The following ASIC2 variants were observed in gnomAD, a reference collection of about 807,000 sequenced individuals.
ASIC2 encodes the protein acid-sensing ion channel 2.
A neutral mutation model predicts 57.3 loss-of-function variants in ASIC2; 25 were observed. That is an observed-to-expected ratio of 0.44 (90% CI 0.32 to 0.61). The LOEUF is 0.61. Ranked by LOEUF, ASIC2 falls within the 20% of genes least tolerant of loss-of-function variation. The pLI is 0.06. For synonymous variants in ASIC2, 319 were observed against 307.5 expected, an observed-to-expected ratio of 1.04 and a Z score of -0.39; for missense variants, 641 against 738.1, an observed-to-expected ratio of 0.87 and a Z score of 1.52.
chr17:33,132,027 T>C (rs923966781), intron 1 of ASIC2, among the ~76,000 whole-genome samples: 2 of 152,124 alleles, frequency 1.3e-5, no homozygotes, highest in African/African-American at 4.8e-5. Flanking sequence ...TTATTTAAAA[T>C]GGGTTCCCTT....
intron 1 of ASIC2, among the ~76,000 whole-genome samples, chr17:33,581,935 A>C (rs1348589171): frequency 6.6e-6 from 1 of 152,176 alleles, no homozygotes; most frequent in Non-Finnish European, 1.5e-5. Context: ...CCCAGGTGCT[A>C]TCCTTTTGAT....
chr17:33,945,309 C>G (rs1440313821), intron 1 of ASIC2, among the ~76,000 whole-genome samples: 1 of 140,372 alleles, frequency 7.1e-6, no homozygotes, highest in Non-Finnish European at 1.6e-5. Flanking sequence ...AAGGGCTTGC[C>G]CATTTTTTTT....
chr17:33,683,348 G>A (rs911920930), intron 1 of ASIC2, among the ~76,000 whole-genome samples: 1 of 152,168 alleles, frequency 6.6e-6, no homozygotes, highest in African/African-American at 2.4e-5. Flanking sequence ...TTACAGGTGT[G>A]AGCCACCGCA....
At chr17:33,734,943 C>G (rs1359012612) in intron 1 of ASIC2, among the ~76,000 whole-genome samples, 2 of 152,236 alleles carry the variant, frequency 1.3e-5, no homozygotes, top group Non-Finnish European at 2.9e-5. Context: ...AATACACTTA[C>G]TGTGTTCTGG....
intron 1 of ASIC2, among the ~76,000 whole-genome samples, chr17:33,858,317 A>G (rs117846153): frequency 5.3e-4 from 80 of 152,252 alleles, no homozygotes; most frequent in Non-Finnish European, 1.0e-3. Flanking sequence ...CTGAATTTCC[A>G]ACTCCCATGA....
At chr17:33,583,863 C>A (rs1452963236) in intron 1 of ASIC2, among the ~76,000 whole-genome samples, 1 of 152,112 alleles carries the variant, frequency 6.6e-6, no homozygotes, top group Non-Finnish European at 1.5e-5. Context: ...CATTTGATTT[C>A]TCTGTGGTTG....
At chr17:33,532,517 T>C (rs140133962) in intron 1 of ASIC2, among the ~76,000 whole-genome samples, 225 of 152,260 alleles carry the variant, frequency 1.5e-3, no homozygotes, top group African/African-American at 5.1e-3. Context: ...AAATCTCCTC[T>C]CACCCACTGA....
At chr17:33,172,748 T>C (rs1053444206) in intron 1 of ASIC2, among the ~76,000 whole-genome samples, 1 of 152,212 alleles carries the variant, frequency 6.6e-6, no homozygotes, top group Non-Finnish European at 1.5e-5. Flanking sequence ...CCCAGACTGG[T>C]AGCCTCAGCA....
In ASIC2 at chr17:33,292,825, G is replaced by C. The variant is rs932575368; in HGVS notation, c.-710C>G. On this transcript the variant is annotated 5_prime_UTR_variant, in exon 1 of 10. Transcript: ENST00000225823. ...CCTGGGCTGCGCTCGGCAGAGACCT[G>C]CTTAGGCTTCCCCAAGTCCTGCGCC... The C allele has an allele frequency of 5.4e-5, 53 of 985,536 alleles. No homozygotes were observed. Among genetic ancestry groups the C allele is most frequent in the Non-Finnish European group, 6.0e-5 (50 of 830,104 alleles). The allele number at this position is 985,536 out of a possible 1,614,324, so 61.0% of individuals were successfully genotyped here.
chr17:33,525,812 T>A (rs1172858887), intron 1 of ASIC2, among the ~76,000 whole-genome samples: 1 of 152,190 alleles, frequency 6.6e-6, no homozygotes, highest in Admixed American at 6.5e-5. Flanking sequence ...CTCCTATCCA[T>A]CCTTTGGAGC....
chr17:33,862,666 C>T (rs529314123), intron 1 of ASIC2, among the ~76,000 whole-genome samples: 1 of 152,270 alleles, frequency 6.6e-6, no homozygotes, highest in Admixed American at 6.5e-5. Context: ...TCTTCCATGA[C>T]TGGGCTAATG....
At chr17:33,075,732 C>G (rs1450846246) in intron 3 of ASIC2, among the ~76,000 whole-genome samples, 1 of 152,144 alleles carries the variant, frequency 6.6e-6, no homozygotes. Flanking sequence ...GTCCTGAGCA[C>G]TGGGACAGGT....
intron 1 of ASIC2, among the ~76,000 whole-genome samples, chr17:33,169,700 A>G (rs1905434959): frequency 6.6e-6 from 1 of 152,208 alleles, no homozygotes. Flanking sequence ...AGGTGACTCT[A>G]TGAAGCTCCA....
chr17:33,055,026 C>T (rs1187874114), intron 3 of ASIC2, among the ~76,000 whole-genome samples: 1 of 152,206 alleles, frequency 6.6e-6, no homozygotes, highest in South Asian at 2.1e-4. Flanking sequence ...TGGGTCACAG[C>T]TCTCCTACAT....
intron 1 of ASIC2, among the ~76,000 whole-genome samples, chr17:33,639,165 C>T (rs1307928073): frequency 6.6e-6 from 1 of 151,790 alleles, no homozygotes; most frequent in Non-Finnish European, 1.5e-5. Flanking sequence ...TGCAGAATGC[C>T]AGACGTGAGG....
chr17:33,190,204 T>C (rs775409999), intron 1 of ASIC2, among the ~76,000 whole-genome samples: 12 of 152,168 alleles, frequency 7.9e-5, no homozygotes, highest in Non-Finnish European at 1.3e-4. Flanking sequence ...TAATATGCAA[T>C]TGAAATACAA....
chr17:33,784,480 T>C lies in ASIC2; in HGVS notation c.555+371498A>G, dbSNP rs533965261. On this transcript the variant is annotated intron_variant, in intron 1 of 9. Coordinates refer to the ASIC2 transcript ENST00000359872. ...CTACCTCCTAGGCAATGCTGTTCAA[T>C]AGAAATATTCTCTGAGCTACATATG... is the stretch of plus-strand genomic sequence containing the variant. 6.6e-4 allele frequency among the ~76,000 whole-genome samples: 101 copies of C among 152,264 alleles called. 1 individual carries two copies. Among genetic ancestry groups the C allele is most frequent in the African/African-American group, 2.4e-3 (99 of 41,558 alleles).
chr17:33,714,792 C>T (rs1419790598), intron 1 of ASIC2, among the ~76,000 whole-genome samples: 2 of 145,756 alleles, frequency 1.4e-5, no homozygotes, highest in Non-Finnish European at 3.0e-5. Flanking sequence ...TGTTATATTA[C>T]GTGATTCTGT....
chr17:33,058,487 A>AAC (rs1555566370), intron 3 of ASIC2, among the ~76,000 whole-genome samples: 1 of 151,482 alleles, frequency 6.6e-6, no homozygotes, highest in African/African-American at 2.4e-5. Flanking sequence ...AAAAAAAAAA[A>AAC]AAAACAAAAC....
Sources: gnomAD v4.1 joint callset for allele counts (sites outside exome capture counted in the v4.1 genomes callset) on GRCh38, gnomAD v4.1.1 for gene constraint, MANE v1.5 for transcripts, NCBI Gene and HGNC (gene_info 2026-07-23, HGNC 2026-07-21) for gene names.